Variants in SCN9A observed in about 807,000 individuals in gnomAD.
SCN9A encodes sodium voltage-gated channel alpha subunit 9.
A neutral mutation model predicts 187.0 loss-of-function variants in SCN9A; 131 were observed. The observed-to-expected ratio is 0.70, with a 90% CI of 0.61 to 0.81. The LOEUF is 0.81. SCN9A is among the 30% of genes least tolerant of loss of function. The pLI is 0.00. For missense variants in SCN9A, 2,252 were observed against 2,396.6 expected (o/e 0.94, Z 1.26); for synonymous variants, 809 against 808.6 (o/e 1.00, Z -0.01).
At chr2:166,284,912 G>C in intron 11 of SCN9A, 88 bp from the exon 12 acceptor site, 1 of 1,363,432 alleles carries the variant, frequency 7.3e-7, no homozygotes, top group East Asian at 2.5e-5. Context: ...CCACTGGCCT[G>C]AGGGCAGGTG....
intron 1 of SCN9A, among the ~76,000 whole-genome samples, chr2:166,329,571 G>A (rs891223477): frequency 6.7e-6 from 1 of 149,946 alleles, no homozygotes; most frequent in African/African-American, 2.5e-5. Flanking sequence ...ATTGTTGGGG[G>A]GGGGTTGTTG....
At chr2:166,208,711 T>G (rs1693936315) in intron 24 of SCN9A, among the ~76,000 whole-genome samples, 1 of 152,152 alleles carries the variant, frequency 6.6e-6, no homozygotes, top group African/African-American at 2.4e-5. Flanking sequence ...ATAGGGTTGG[T>G]TATTAGAAAG....
At chr2:166,288,713 G>C in intron 9 of SCN9A, 70 bp from the exon 10 acceptor site, 1 of 1,172,758 alleles carries the variant, frequency 8.5e-7, no homozygotes, top group Non-Finnish European at 1.2e-6. Flanking sequence ...AATTTGACAG[G>C]CATGAGCAAA....
Position 166,354,652 on chromosome 2 carries a change from C to T in SCN9A, c.-51+21045G>A, listed in dbSNP as rs1444487246. 2.0e-5 allele frequency among the ~76,000 whole-genome samples: 3 copies of T among 152,168 alleles called. No homozygotes were observed. In the East Asian group the frequency reaches 5.8e-4, roughly 29 times the overall value. ...TCAAGTATTTAATTGTTTTAGAAAC[C>T]TAGGCACAGATACAATCCTAGATGG... On this transcript the variant is annotated intron_variant, in intron 1 of 26. Transcript: ENST00000642356.
intron 1 of SCN9A, among the ~76,000 whole-genome samples, chr2:166,342,818 C>T (rs1353296040): frequency 1.3e-5 from 2 of 152,100 alleles, no homozygotes; most frequent in Admixed American, 6.6e-5. Flanking sequence ...GAAGACAAAG[C>T]TCTTCCAGCA....
At chr2:166,215,409 T>C (rs1398335763) in intron 24 of SCN9A, among the ~76,000 whole-genome samples, 2 of 152,032 alleles carry the variant, frequency 1.3e-5, no homozygotes, top group South Asian at 2.1e-4. Context: ...AAGAACAGAA[T>C]ATCCCCAAAC....
At chr2:166,318,730 T>C (rs1699168820) in intron 1 of SCN9A, among the ~76,000 whole-genome samples, 1 of 152,178 alleles carries the variant, frequency 6.6e-6, no homozygotes, top group Non-Finnish European at 1.5e-5. Context: ...TTTACCAGAA[T>C]GGGGCACCAG....
intron 24 of SCN9A, among the ~76,000 whole-genome samples, chr2:166,209,819 G>A (rs1693997905): frequency 6.6e-6 from 1 of 152,054 alleles, no homozygotes; most frequent in Non-Finnish European, 1.5e-5. Context: ...AGGTGCTGGA[G>A]AGGATGTGGA....
intron 20 of SCN9A, 31 bp downstream of exon 20, chr2:166,238,063 C>T (rs778010125): frequency 2.0e-5 from 30 of 1,537,626 alleles, no homozygotes; most frequent in Admixed American, 5.3e-5. Flanking sequence ...AAGAATAAAT[C>T]CTCTTTTAAA....
At chr2:166,300,952 T>A (rs903580294) in intron 7 of SCN9A, 1 of 150,704 alleles carries the variant, frequency 6.6e-6, no homozygotes, top group Non-Finnish European at 1.5e-5. Context: ...TTGCCCAGGC[T>A]GGAGTGCAAT....
chr2:166,280,832 T>C (rs1697452252), intron 13 of SCN9A, among the ~76,000 whole-genome samples: 1 of 152,212 alleles, frequency 6.6e-6, no homozygotes, highest in Non-Finnish European at 1.5e-5. Flanking sequence ...TGCAAGCACA[T>C]ATGTGGGCAT....
At chr2:166,237,495 C>T (rs187566756) in intron 20 of SCN9A, among the ~76,000 whole-genome samples, 5 of 152,164 alleles carry the variant, frequency 3.3e-5, no homozygotes, top group South Asian at 2.1e-4. Flanking sequence ...AAGGGCAAGT[C>T]GCATATTTGA....
intron 2 of SCN9A, 132 bp from the exon 3 acceptor site, chr2:166,307,206 G>A (rs1040136808): frequency 3.1e-5 from 18 of 576,816 alleles, no homozygotes; most frequent in Non-Finnish European, 5.3e-5. Flanking sequence ...CAGCAATGTG[G>A]TTCCAATGTC....
chr2:166,324,151 A>G (rs1462816340), intron 1 of SCN9A, among the ~76,000 whole-genome samples: 1 of 151,876 alleles, frequency 6.6e-6, no homozygotes, highest in Non-Finnish European at 1.5e-5. Context: ...ACAATTAGCC[A>G]GGTGTGGTGT....
At chr2:166,364,019 T>G (rs1700354028) in intron 1 of SCN9A, among the ~76,000 whole-genome samples, 1 of 151,882 alleles carries the variant, frequency 6.6e-6, no homozygotes. Flanking sequence ...AGATTAAAAA[T>G]GAACAAAGGA....
Position 166,220,720 on chromosome 2 carries a change from G to C in SCN9A, c.4398+5847C>G, listed in dbSNP as rs73969626. ...CCCACAGCTAACATCGTATTCAATGGTGAAAAACTGAAAAACTTTCCTGTA... is the reference window on the plus strand; with the variant it reads ...CCCACAGCTAACATCGTATTCAATGCTGAAAAACTGAAAAACTTTCCTGTA... On this transcript the variant is annotated intron_variant, in intron 24 of 26. Transcript: ENST00000642356. 2.4e-3 allele frequency among the ~76,000 whole-genome samples: 369 copies of C among 152,208 alleles called. 3 individuals carry two copies. The highest frequency in any genetic ancestry group is 8.5e-3 in the African/African-American group (351 of 41,522).
intron 20 of SCN9A, among the ~76,000 whole-genome samples, chr2:166,236,365 T>C (rs2106400307): frequency 6.6e-6 from 1 of 152,314 alleles, no homozygotes; most frequent in East Asian, 1.9e-4. Flanking sequence ...TTACATATTA[T>C]AGAAAAAAGT....
Position 166,199,996 on chromosome 2 carries a change from T to G in SCN9A, c.4775-132A>C, listed in dbSNP as rs1693419342. On this transcript the variant is annotated intron_variant, in intron 26 of 26. Transcript: ENST00000642356. ...GACAGTTTTTTTTTTTTTTTTTTTTTTTTTTTTTTTTTTTTTTTTGAGACG... is the reference window on the plus strand; with the variant it reads ...GACAGTTTTTTTTTTTTTTTTTTTTGTTTTTTTTTTTTTTTTTTTGAGACG... 2.2e-5 allele frequency: 12 copies of G among 541,832 alleles called. No homozygotes were observed. The African/African-American group carries it at 4.1e-4, about 19-fold the overall frequency. The allele number at this position is 541,832 out of a possible 1,614,324, so 33.6% of individuals were successfully genotyped here.
intron 20 of SCN9A, among the ~76,000 whole-genome samples, chr2:166,237,402 C>T (rs1695365163): frequency 6.6e-6 from 1 of 151,914 alleles, no homozygotes; most frequent in South Asian, 2.1e-4. Context: ...TCCAAGTATT[C>T]AACAGTTCTT....
Sources: allele counts gnomAD v4.1 joint callset (sites outside exome capture counted in the v4.1 genomes callset), GRCh38; gene constraint gnomAD v4.1.1; transcripts MANE v1.5; gene names NCBI Gene and HGNC (gene_info 2026-07-23, HGNC 2026-07-21).